DST: variants seen among roughly 807,000 people sequenced by gnomAD.
The protein encoded by DST is bullous pemphigoid antigen.
Under a neutral mutation model 875.2 loss-of-function variants are expected in DST, and 253 were observed. The ratio of observed to expected loss-of-function variants is 0.29; its 90% CI spans 0.26 to 0.32. The LOEUF (loss-of-function observed/expected upper bound fraction) is 0.32. DST is among the 10% of genes least tolerant of loss of function. DST has a pLI of 1.00. For missense variants in DST, 8,287 were observed against 9,111.6 expected (o/e 0.91, Z 3.68); for synonymous variants, 3,124 against 3,197.1 (o/e 0.98, Z 0.77).
At chr6:56,619,712 A>C (rs748792924) in intron 36 of DST, 1 of 1,614,050 alleles carries the variant, frequency 6.2e-7, no homozygotes, top group Non-Finnish European at 8.5e-7. Flanking sequence ...TTGCCTACCA[A>C]GCTCTCTGAG....
At chr6:56,686,372 C>T (rs968583282) in intron 9 of DST, among the ~76,000 whole-genome samples, 1 of 152,156 alleles carries the variant, frequency 6.6e-6, no homozygotes, top group Non-Finnish European at 1.5e-5. Context: ...TCATTGGAAG[C>T]TCTAACCTCA....
intron 36 of DST, chr6:56,620,834 T>C (rs572060538): frequency 1.1e-6 from 1 of 880,008 alleles, no homozygotes; most frequent in East Asian, 2.6e-5. Context: ...GAACAAGCGC[T>C]ATCACCACCA....
chr6:56,671,214 A>C (rs2099099622), intron 9 of DST, among the ~76,000 whole-genome samples: 1 of 152,196 alleles, frequency 6.6e-6, no homozygotes, highest in Non-Finnish European at 1.5e-5. Flanking sequence ...TTTTTACTAA[A>C]CCAAAACTCT....
intron 61 of DST, among the ~76,000 whole-genome samples, chr6:56,547,165 T>A (rs2097244992): frequency 6.6e-6 from 1 of 152,168 alleles, no homozygotes; most frequent in African/African-American, 2.4e-5. Flanking sequence ...GTATATTCCT[T>A]GTATCATGTG....
chr6:56,669,287 C>CAAA (rs1055863442), intron 10 of DST, among the ~76,000 whole-genome samples: 25 of 69,368 alleles, frequency 3.6e-4, no homozygotes, highest in South Asian at 4.7e-4. Context: ...TTTGTAAAAC[C>CAAA]AAAAAAAAAA....
chr6:56,900,939 G>A (rs1793776615), intron 2 of DST, among the ~76,000 whole-genome samples: 2 of 152,136 alleles, frequency 1.3e-5, no homozygotes, highest in East Asian at 1.9e-4. Context: ...AAGCATCAGG[G>A]AGACTGTGAA....
chr6:56,843,828 G>A (rs1433815159), intron 4 of DST, among the ~76,000 whole-genome samples: 3 of 151,818 alleles, frequency 2.0e-5, no homozygotes. Flanking sequence ...CGGCCCCGGC[G>A]CCTCTCGGCC....
chr6:56,747,338 C>T (rs1202243390), intron 4 of DST, among the ~76,000 whole-genome samples: 1 of 152,096 alleles, frequency 6.6e-6, no homozygotes, highest in Non-Finnish European at 1.5e-5. Flanking sequence ...GATCTCCTGC[C>T]TTCCTGTAAG....
intron 10 of DST, among the ~76,000 whole-genome samples, chr6:56,653,506 G>A (rs1334508817): frequency 2.6e-5 from 4 of 151,998 alleles, no homozygotes; most frequent in Admixed American, 1.3e-4. Flanking sequence ...CCAACATGGC[G>A]AAACCCTGTC....
chr6:56,527,778 G>T, intron 67 of DST, 44 bp from the exon 68 acceptor site: 1 of 1,548,030 alleles, frequency 6.5e-7, no homozygotes. Flanking sequence ...GGAAAAAAAA[G>T]GCAGGGAGAG....
chr6:56,900,629 A>T lies in DST; in HGVS notation c.217-8T>A. 1.5e-6 allele frequency: 2 copies of T among 1,366,750 alleles called. No individual in the cohort carries two copies. Among genetic ancestry groups the T allele is most frequent in the East Asian group, 9.1e-5 (2 of 21,988 alleles). The allele number at this position is 1,366,750 out of a possible 1,614,324, so 84.7% of individuals were successfully genotyped here. A position where few individuals can be genotyped will look rare whatever the true frequency, so the allele number is the denominator to read the frequency against. ...AGGGCTTGCTCTGAATCCCTGTGGC[A>T]GAAAACACAACCAAGCAAATCCAGA... On this transcript the variant is annotated splice_polypyrimidine_tract_variant and splice_region_variant and intron_variant, in intron 2 of 103. Coordinates refer to ENST00000680361, the MANE Select transcript of DST (RefSeq NM_001374736.1).
chr6:56,543,486 C>A (rs555297372), intron 61 of DST, among the ~76,000 whole-genome samples: 1 of 152,304 alleles, frequency 6.6e-6, no homozygotes, highest in South Asian at 2.1e-4. Flanking sequence ...ATTTAATAAA[C>A]AAAATCACCT....
intron 17 of DST, 93 bp from the exon 18 acceptor site, chr6:56,640,698 T>C (rs2098887844): frequency 2.0e-6 from 2 of 1,014,624 alleles, no homozygotes; most frequent in Non-Finnish European, 3.1e-6. Context: ...TAGTTAATAA[T>C]GATGTATCAA....
intron 78 of DST, among the ~76,000 whole-genome samples, chr6:56,502,119 A>G (rs1450342209): frequency 5.9e-5 from 9 of 152,066 alleles, no homozygotes; most frequent in Admixed American, 5.9e-4. Context: ...ACACACACAC[A>G]TCTTGTATCC....
Position 56,792,014 on chromosome 6 carries a change from T to C in DST, c.626-56725A>G, listed in dbSNP as rs564893805. Among the ~76,000 whole-genome samples the C allele has an allele frequency of 2.1e-4, 32 of 152,096 alleles. 1 individual carries two copies. The South Asian group carries it at 6.0e-3, about 29-fold the overall frequency. On this transcript the variant is annotated intron_variant, in intron 4 of 103. Transcript: ENST00000680361. ...AAAGTGAGCCTGAAACATCTCGTTG[T>C]GCCAAAAAGCAAAGGAAATGCTTAA... is the stretch of plus-strand genomic sequence containing the variant.
At chr6:56,876,985 T>C (rs1779890249) in intron 3 of DST, among the ~76,000 whole-genome samples, 1 of 152,244 alleles carries the variant, frequency 6.6e-6, no homozygotes, top group Admixed American at 6.5e-5. Flanking sequence ...GTTATTTCCA[T>C]GTCTGTATCT....
At chr6:56,910,767 G>T (rs1019739958) in intron 2 of DST, among the ~76,000 whole-genome samples, 5 of 152,290 alleles carry the variant, frequency 3.3e-5, no homozygotes, top group Admixed American at 1.3e-4. Context: ...TTACAAGCAT[G>T]AGCCCCCGTG....
chr6:56,573,932 C>T (rs758648624), intron 50 of DST, 45 bp from the exon 51 acceptor site: 2 of 1,409,678 alleles, frequency 1.4e-6, no homozygotes, highest in Non-Finnish European at 9.8e-7. Context: ...GTTCTCTTTG[C>T]CCTATCCCTT....
At chr6:56,894,349 AG>A (rs1314544727) in intron 3 of DST, among the ~76,000 whole-genome samples, 1 of 101,856 alleles carries the variant, frequency 9.8e-6, no homozygotes, top group African/African-American at 5.3e-5. Context: ...CTGGCCGGGC[AG>A]GGGGGCTGTT....
Sources: gnomAD v4.1 joint callset for allele counts (sites outside exome capture counted in the v4.1 genomes callset) on GRCh38, gnomAD v4.1.1 for gene constraint, MANE v1.5 for transcripts, NCBI Gene and HGNC (gene_info 2026-07-23, HGNC 2026-07-21) for gene names.